SPATA6: variants seen among roughly 807,000 people sequenced by gnomAD.
SPATA6 encodes the protein spermatogenesis associated 6.
Under a neutral mutation model 65.3 loss-of-function variants are expected in SPATA6, and 56 were observed. The ratio of observed to expected loss-of-function variants is 0.86; its 90% confidence interval spans 0.69 to 1.07. The LOEUF (loss-of-function observed/expected upper bound fraction) is 1.07, where lower values mean the gene tolerates loss of function less well. Among genes scored for constraint, SPATA6 ranks in the 50% least tolerant of loss-of-function variants. The pLI, the probability that SPATA6 is intolerant of heterozygous loss-of-function variation, is 0.00. For missense variants in SPATA6, 590 were observed against 594.8 expected, an observed-to-expected ratio of 0.99 and a Z score of 0.08; for synonymous variants, 199 against 213.2, an observed-to-expected ratio of 0.93 and a Z score of 0.58.
the SPATA6 span, among the ~76,000 whole-genome samples, chr1:48,277,895 C>G: frequency 6.6e-6 from 1 of 152,252 alleles, no homozygotes; most frequent in Non-Finnish European, 1.5e-5. Flanking sequence ...GGTCCCTGAC[C>G]ACTGACCAAT....
At chr1:48,352,948 C>T (rs1646553951) in intron 11 of SPATA6, among the ~76,000 whole-genome samples, 1 of 148,502 alleles carries the variant, frequency 6.7e-6, no homozygotes, top group African/African-American at 2.5e-5. Context: ...ATTCTACATC[C>T]AGCAAAACTA....
intron 11 of SPATA6, among the ~76,000 whole-genome samples, chr1:48,311,560 T>C (rs933484195): frequency 1.3e-5 from 2 of 151,988 alleles, no homozygotes; most frequent in Non-Finnish European, 2.9e-5. Context: ...GAATTAGTAA[T>C]CAAAAAAACT....
chr1:48,316,215 G>A (rs960454794), intron 11 of SPATA6, among the ~76,000 whole-genome samples: 17 of 152,058 alleles, frequency 1.1e-4, no homozygotes, highest in Admixed American at 2.6e-4. Context: ...AAAGGAGCCC[G>A]CATTACCAAG....
At chr1:48,429,930 T>C (rs1420057905) in intron 3 of SPATA6, among the ~76,000 whole-genome samples, 1 of 152,046 alleles carries the variant, frequency 6.6e-6, no homozygotes, top group Non-Finnish European at 1.5e-5. Flanking sequence ...ACAGTACAAA[T>C]TATTGAGTCT....
At chr1:48,401,907 T>C (rs994690426) in intron 6 of SPATA6, among the ~76,000 whole-genome samples, 1 of 152,174 alleles carries the variant, frequency 6.6e-6, no homozygotes, top group Non-Finnish European at 1.5e-5. Flanking sequence ...ATAAAGTTAC[T>C]ACTGATATTT....
intron 11 of SPATA6, among the ~76,000 whole-genome samples, chr1:48,350,267 TG>T (rs1405197007): frequency 6.6e-6 from 1 of 151,508 alleles, no homozygotes; most frequent in African/African-American, 2.4e-5. Flanking sequence ...TTATTTTTTT[TG>T]TTAAGTTTGG....
chr1:48,264,065 C>T, the SPATA6 span, among the ~76,000 whole-genome samples: 5 of 152,104 alleles, frequency 3.3e-5, no homozygotes, highest in Non-Finnish European at 5.9e-5. Flanking sequence ...TTATGTCATC[C>T]AGTGTGTAGT....
intron 11 of SPATA6, among the ~76,000 whole-genome samples, chr1:48,323,322 A>G (rs1645653983): frequency 6.6e-6 from 1 of 152,016 alleles, no homozygotes; most frequent in Non-Finnish European, 1.5e-5. Context: ...ACAAGAAGAG[A>G]AAACCAAACA....
chr1:48,380,038 A>G (rs964677709), intron 9 of SPATA6, among the ~76,000 whole-genome samples: 1 of 152,278 alleles, frequency 6.6e-6, no homozygotes, highest in African/African-American at 2.4e-5. Context: ...CCATAAGTAC[A>G]TAAAACTTTT....
chr1:48,421,110 A>G (rs1241012874), intron 3 of SPATA6, among the ~76,000 whole-genome samples: 3 of 152,196 alleles, frequency 2.0e-5, no homozygotes, highest in Admixed American at 2.0e-4. Context: ...AGGATGGACT[A>G]ATGCTGGTGA....
At chr1:48,440,740 A>AGGATCAAC (rs1655380965) in intron 3 of SPATA6, among the ~76,000 whole-genome samples, 1 of 152,234 alleles carries the variant, frequency 6.6e-6, no homozygotes, top group African/African-American at 2.4e-5. Context: ...AACTCACTTG[A>AGGATCAAC]GGATCAACTG....
intron 11 of SPATA6, among the ~76,000 whole-genome samples, chr1:48,345,192 TCAAA>T (rs1450340261): frequency 1.3e-5 from 2 of 151,626 alleles, no homozygotes; most frequent in Non-Finnish European, 3.0e-5. Context: ...CACAACCCAT[TCAAA>T]CAGATACAAT....
chr1:48,301,829 C>CA (rs957673019), intron 12 of SPATA6, among the ~76,000 whole-genome samples: 16 of 151,802 alleles, frequency 1.1e-4, no homozygotes, highest in Non-Finnish European at 8.8e-5. Context: ...TATTCATATG[C>CA]AAAAAAATAA....
At chr1:48,448,896 C>T (rs909232413) in intron 3 of SPATA6, among the ~76,000 whole-genome samples, 3 of 152,074 alleles carry the variant, frequency 2.0e-5, no homozygotes, top group Admixed American at 2.0e-4. Context: ...CAGGGACTGA[C>T]TGCAAATAGG....
chr1:48,402,995 A>G (rs943668092), intron 6 of SPATA6, among the ~76,000 whole-genome samples: 3 of 152,064 alleles, frequency 2.0e-5, no homozygotes, highest in African/African-American at 7.2e-5. Flanking sequence ...CCTGGGCAAC[A>G]TGGCAAATTC....
intron 9 of SPATA6, 98 bp downstream of exon 9, chr1:48,385,211 A>C: frequency 3.8e-6 from 4 of 1,059,954 alleles, no homozygotes; most frequent in Non-Finnish European, 5.1e-6. Context: ...TACTAAATGA[A>C]TTTGATAATC....
chr1:48,272,853 G>T, the SPATA6 span, among the ~76,000 whole-genome samples: 1 of 152,062 alleles, frequency 6.6e-6, no homozygotes, highest in Non-Finnish European at 1.5e-5. Context: ...TCTCATTGTG[G>T]TTTTGATTTG....
chr1:48,326,817 G>A (rs574403394), intron 11 of SPATA6, among the ~76,000 whole-genome samples: 8 of 151,998 alleles, frequency 5.3e-5, no homozygotes, highest in East Asian at 3.9e-4. Context: ...AATTAAACTC[G>A]GACCCTTATC....
At chr1:48,430,866 C>CA (rs1042673334) in intron 3 of SPATA6, among the ~76,000 whole-genome samples, 3 of 151,970 alleles carry the variant, frequency 2.0e-5, no homozygotes, top group South Asian at 4.2e-4. Context: ...AAATGAGTGA[C>CA]AAAAAAGTTG....
Sources: gnomAD v4.1 joint callset for allele counts (sites outside exome capture counted in the v4.1 genomes callset) on GRCh38, gnomAD v4.1.1 for gene constraint, MANE v1.5 for transcripts, NCBI Gene and HGNC (gene_info 2026-07-23, HGNC 2026-07-21) for gene names.